Variants in ADGRL3 observed in about 807,000 individuals in gnomAD.
ADGRL3 encodes adhesion G protein-coupled receptor L3.
A neutral mutation model predicts 153.5 loss-of-function variants in ADGRL3; 62 were observed. That is an observed-to-expected ratio of 0.40 (90% CI 0.33 to 0.50). ADGRL3 has a LOEUF of 0.50. Ranked by LOEUF, ADGRL3 falls within the 20% of genes least tolerant of loss-of-function variation. The pLI is 0.47. For missense variants in ADGRL3, 1,641 were observed against 1,859.4 expected (o/e 0.88, Z 2.16); for synonymous variants, 710 against 672.5 (o/e 1.06, Z -0.86).
rs561512701 is a variant in ADGRL3, at chr4:61,669,948, C to A, written c.474-6878C>A. ...CATTCATGATCGAAGGGTTTATTAA[C>A]CTAGAACCCCTGTGAATTACATTCC... On this transcript the variant is annotated intron_variant, in intron 5 of 26. Coordinates refer to ENST00000683033, the MANE Select transcript of ADGRL3 (RefSeq NM_001387552.1). Among the ~76,000 whole-genome samples the A allele has an allele frequency of 9.2e-5, 14 of 152,262 alleles. No individual in the cohort carries two copies. In the East Asian group the frequency reaches 2.7e-3, roughly 29 times the overall value.
At chr4:61,364,081 C>T (rs2096345597) in intron 1 of ADGRL3, among the ~76,000 whole-genome samples, 1 of 151,916 alleles carries the variant, frequency 6.6e-6, no homozygotes, top group Non-Finnish European at 1.5e-5. Context: ...GCTGTAATCT[C>T]AGCACCTTGG....
At chr4:61,719,369 T>A (rs541291363) in intron 6 of ADGRL3, among the ~76,000 whole-genome samples, 7 of 152,278 alleles carry the variant, frequency 4.6e-5, no homozygotes, top group African/African-American at 1.7e-4. Context: ...AATGGAATCA[T>A]GCTACTGAAT....
chr4:61,242,849 A>C (rs1020506966), intron 1 of ADGRL3, among the ~76,000 whole-genome samples: 3 of 152,088 alleles, frequency 2.0e-5, no homozygotes, highest in African/African-American at 7.2e-5. Context: ...ATATTTTAAC[A>C]TTAAGGAATA....
At chr4:61,822,522 CTT>C (rs1581003549) in intron 9 of ADGRL3, among the ~76,000 whole-genome samples, 2 of 152,128 alleles carry the variant, frequency 1.3e-5, no homozygotes, top group Non-Finnish European at 2.9e-5. Flanking sequence ...ATATTCTAAA[CTT>C]AATGCTAAAA....
chr4:61,714,150 G>A (rs2096058898), intron 6 of ADGRL3, among the ~76,000 whole-genome samples: 1 of 150,814 alleles, frequency 6.6e-6, no homozygotes, highest in Non-Finnish European at 1.5e-5. Flanking sequence ...TAGTAATGTT[G>A]TAGCAGTAAA....
chr4:61,717,520 T>C (rs1457282731), intron 6 of ADGRL3, among the ~76,000 whole-genome samples: 1 of 152,154 alleles, frequency 6.6e-6, no homozygotes, highest in Non-Finnish European at 1.5e-5. Flanking sequence ...ATGTCTCTGC[T>C]CCTCACTTGT....
At chr4:61,889,721 A>T (rs1374130573) in intron 9 of ADGRL3, among the ~76,000 whole-genome samples, 4 of 152,200 alleles carry the variant, frequency 2.6e-5, no homozygotes, top group African/African-American at 9.6e-5. Flanking sequence ...TATTAAACCC[A>T]TGCTAAAATA....
chr4:61,902,641 T>A (rs1201994772), intron 11 of ADGRL3, among the ~76,000 whole-genome samples: 1 of 152,048 alleles, frequency 6.6e-6, no homozygotes, highest in Admixed American at 6.6e-5. Flanking sequence ...CTTTGTGCAG[T>A]TTCTCTAAGA....
At chr4:61,703,854 T>C (rs1342791687) in intron 6 of ADGRL3, among the ~76,000 whole-genome samples, 1 of 151,962 alleles carries the variant, frequency 6.6e-6, no homozygotes, top group African/African-American at 2.4e-5. Flanking sequence ...AGTCTTTTTT[T>C]TTTTCCTACA....
At chr4:61,694,410 A>G (rs1002397508) in intron 6 of ADGRL3, among the ~76,000 whole-genome samples, 12 of 151,736 alleles carry the variant, frequency 7.9e-5, no homozygotes, top group Non-Finnish European at 1.5e-4. Flanking sequence ...TACAATAAAG[A>G]TTTTTATTTC....
intron 17 of ADGRL3, among the ~76,000 whole-genome samples, chr4:61,954,099 T>C (rs2098957369): frequency 6.6e-6 from 1 of 152,172 alleles, no homozygotes; most frequent in Non-Finnish European, 1.5e-5. Flanking sequence ...CAGACTCAGA[T>C]TGCACCAGTG....
intron 1 of ADGRL3, among the ~76,000 whole-genome samples, chr4:61,288,000 T>G (rs967094171): frequency 3.9e-5 from 6 of 151,948 alleles, no homozygotes; most frequent in Non-Finnish European, 8.8e-5. Context: ...TTAGGATCTT[T>G]TTATTCATAA....
chr4:61,495,277 T>G lies in ADGRL3; in HGVS notation c.-173-1844T>G, dbSNP rs138857203. 3.0e-4 allele frequency among the ~76,000 whole-genome samples: 45 copies of G among 152,312 alleles called. No individual in the cohort carries two copies. The East Asian group carries it at 7.5e-3, about 25-fold the overall frequency. ...GTAATTTTTGCCTTTTAGTAAAGACTTTGGTTTTTATTTTGACAGAATGAA... is the reference window on the plus strand; with the variant it reads ...GTAATTTTTGCCTTTTAGTAAAGACGTTGGTTTTTATTTTGACAGAATGAA... On this transcript the variant is annotated intron_variant, in intron 2 of 26. Coordinates refer to ENST00000683033, the MANE Select transcript of ADGRL3 (RefSeq NM_001387552.1).
At chr4:61,295,085 CGTT>C (rs1221122009) in intron 1 of ADGRL3, among the ~76,000 whole-genome samples, 2 of 152,126 alleles carry the variant, frequency 1.3e-5, no homozygotes, top group Admixed American at 6.5e-5. Flanking sequence ...TGAAATCTCA[CGTT>C]GTCCTGCTTT....
At chr4:61,715,213 G>T (rs1447923928) in intron 6 of ADGRL3, among the ~76,000 whole-genome samples, 2 of 152,042 alleles carry the variant, frequency 1.3e-5, no homozygotes, top group African/African-American at 4.8e-5. Flanking sequence ...ACATTCGACT[G>T]GTTATTGAAG....
At chr4:61,982,115 G>A (rs568588325) in intron 18 of ADGRL3, among the ~76,000 whole-genome samples, 9 of 152,236 alleles carry the variant, frequency 5.9e-5, no homozygotes, top group African/African-American at 2.2e-4. Flanking sequence ...TTGTTAGCTT[G>A]CAATTCAAAT....
intron 4 of ADGRL3, among the ~76,000 whole-genome samples, chr4:61,566,805 A>G (rs2098818203): frequency 6.6e-6 from 1 of 152,106 alleles, no homozygotes; most frequent in African/African-American, 2.4e-5. Flanking sequence ...ATGTAGTTTT[A>G]TTGCTCCTTT....
chr4:61,496,184 T>C (rs1240152944), intron 2 of ADGRL3, among the ~76,000 whole-genome samples: 1 of 145,730 alleles, frequency 6.9e-6, no homozygotes, highest in East Asian at 2.1e-4. Context: ...AATTTCTGAA[T>C]GAATATTGCA....
intron 1 of ADGRL3, among the ~76,000 whole-genome samples, chr4:61,259,257 A>G (rs997894862): frequency 2.0e-5 from 3 of 152,010 alleles, no homozygotes; most frequent in African/African-American, 7.2e-5. Context: ...CCCCGTCTCT[A>G]CTAAAAATAT....
Sources: allele counts gnomAD v4.1 joint callset (sites outside exome capture counted in the v4.1 genomes callset), GRCh38; gene constraint gnomAD v4.1.1; transcripts MANE v1.5; gene names NCBI Gene and HGNC (gene_info 2026-07-23, HGNC 2026-07-21).